FAM81B: variants seen among roughly 807,000 people sequenced by gnomAD.
The protein encoded by FAM81B is family with sequence similarity 81 member B.
In FAM81B, 60 loss-of-function variants were observed where a neutral mutation model predicts 58.7. The ratio of observed to expected loss-of-function variants is 1.02; its 90% CI spans 0.83 to 1.27. The LOEUF (loss-of-function observed/expected upper bound fraction) is 1.27. FAM81B is among the 50% of genes most tolerant of loss of function. The pLI is 0.00. For synonymous variants in FAM81B, 189 were observed against 179.6 expected, an observed-to-expected ratio of 1.05 and a Z score of -0.42; for missense variants, 491 against 522.0, an observed-to-expected ratio of 0.94 and a Z score of 0.58.
At chr5:95,445,023 A>AG (rs754192733) in intron 7 of FAM81B, among the ~76,000 whole-genome samples, 24 of 152,244 alleles carry the variant, frequency 1.6e-4, no homozygotes, top group African/African-American at 4.3e-4. Flanking sequence ...AGCAGGTGGG[A>AG]GGGGGGTAAC....
intron 7 of FAM81B, chr5:95,440,391 C>G: frequency 5.8e-6 from 4 of 693,678 alleles, no homozygotes; most frequent in South Asian, 5.4e-5. Context: ...GCTTCAGATT[C>G]AATGTCATGA....
intron 2 of FAM81B, among the ~76,000 whole-genome samples, chr5:95,395,892 C>A (rs913522575): frequency 1.3e-5 from 2 of 152,088 alleles, no homozygotes; most frequent in African/African-American, 4.8e-5. Context: ...GACTGTGATA[C>A]CAAATCTATG....
At chr5:95,433,908 T>C (rs2152768125) in intron 6 of FAM81B, among the ~76,000 whole-genome samples, 1 of 152,348 alleles carries the variant, frequency 6.6e-6, no homozygotes, top group South Asian at 2.1e-4. Context: ...ACTACTCTTT[T>C]TTCTTTCTTA....
intron 3 of FAM81B, among the ~76,000 whole-genome samples, chr5:95,407,408 A>ACGCACACACACACGCGTGCG (rs1762281078): frequency 6.8e-6 from 1 of 147,306 alleles, no homozygotes; most frequent in Non-Finnish European, 1.5e-5. Flanking sequence ...ACACACACAC[A>ACGCACACACACACGCGTGCG]CGCACACACA....
chr5:95,402,489 AT>A (rs1251250445), intron 3 of FAM81B, among the ~76,000 whole-genome samples: 2 of 152,238 alleles, frequency 1.3e-5, no homozygotes, highest in Non-Finnish European at 2.9e-5. Flanking sequence ...TAAACATAAA[AT>A]AAATTTTAAA....
intron 2 of FAM81B, among the ~76,000 whole-genome samples, chr5:95,394,454 G>A (rs745744439): frequency 1.6e-4 from 25 of 152,182 alleles, no homozygotes; most frequent in Non-Finnish European, 3.2e-4. Context: ...AGAGGGAGCA[G>A]TGGAAAGGTG....
chr5:95,447,406 G>A (rs1745620220), intron 8 of FAM81B, among the ~76,000 whole-genome samples: 1 of 152,226 alleles, frequency 6.6e-6, no homozygotes, highest in South Asian at 2.1e-4. Flanking sequence ...AGTTACAAAG[G>A]AGCCAAGAGT....
At chr5:95,434,718 T>C (rs1745033660) in intron 6 of FAM81B, among the ~76,000 whole-genome samples, 1 of 152,236 alleles carries the variant, frequency 6.6e-6, no homozygotes, top group Non-Finnish European at 1.5e-5. Context: ...AAATGAATGA[T>C]TCACTTACAT....
chr5:95,428,748 T>A lies in FAM81B; in HGVS notation c.786+16T>A, dbSNP rs759242751. 5 of 1,613,576 alleles carry A rather than the reference T, an allele frequency of 3.1e-6. No individual in the cohort carries two copies. In the East Asian group the frequency reaches 1.1e-4, roughly 36 times the overall value. On this transcript the variant is annotated intron_variant, in intron 6 of 9. Coordinates refer to ENST00000283357, the MANE Select transcript of FAM81B (RefSeq NM_152548.3). ...GGACATGAAGGTAATTGAAAATAGA[T>A]GGGACTCATATTACGTGTTACTGCC...
intron 2 of FAM81B, among the ~76,000 whole-genome samples, chr5:95,395,858 T>C (rs989118213): frequency 8.5e-5 from 13 of 152,234 alleles, no homozygotes; most frequent in African/African-American, 2.9e-4. Context: ...TCTATGGCTT[T>C]GACTTTTCCA....
At chr5:95,392,535 T>A (rs1296139753) in intron 1 of FAM81B, among the ~76,000 whole-genome samples, 13 of 152,280 alleles carry the variant, frequency 8.5e-5, no homozygotes, top group Non-Finnish European at 1.5e-4. Flanking sequence ...ATTTTAGAGC[T>A]GTCTGATCCT....
At chr5:95,433,299 A>G (rs756193354) in intron 6 of FAM81B, among the ~76,000 whole-genome samples, 1 of 152,110 alleles carries the variant, frequency 6.6e-6, no homozygotes, top group Non-Finnish European at 1.5e-5. Flanking sequence ...CAGGCAAGAG[A>G]AGTGCCAAGC....
intron 2 of FAM81B, among the ~76,000 whole-genome samples, chr5:95,395,557 A>G (rs1053850506): frequency 2.6e-5 from 4 of 152,208 alleles, no homozygotes; most frequent in Admixed American, 2.6e-4. Context: ...CTTTCATGAA[A>G]ATAGAACTTT....
In FAM81B at chr5:95,414,199, CTTTTTGTTTTATTTTG is replaced by C; in HGVS notation, c.537+20_537+35del. 7 of 1,595,232 alleles carry C rather than the reference CTTTTTGTTTTATTTTG, an allele frequency of 4.4e-6. No homozygotes were observed. Among genetic ancestry groups the C allele is most frequent in the Non-Finnish European group, 6.0e-6 (7 of 1,171,934 alleles). On this transcript the variant is annotated intron_variant, in intron 4 of 9. Coordinates refer to ENST00000283357, the MANE Select transcript of FAM81B (RefSeq NM_152548.3). ...TCAGCCAAAATATTGAGGTAGTTCT[CTTTTTGTTTTATTTTG>C]TTTTTGTTTTGTATTTTGGCAGCAT...
chr5:95,444,498 AGAAAATAATTGGCTAAAATGAGG>A (rs1332784937), intron 7 of FAM81B, among the ~76,000 whole-genome samples: 10 of 152,202 alleles, frequency 6.6e-5, no homozygotes, highest in Admixed American at 6.5e-4. Flanking sequence ...TTCCAGATAG[AGAAAATAATTGGCTAAAATGAGG>A]GAGTCTACGT....
At chr5:95,426,094 G>GTATATATATA (rs57076025) in intron 5 of FAM81B, among the ~76,000 whole-genome samples, 2,159 of 119,838 alleles carry the variant, frequency 0.018, 29 homozygotes, top group African/African-American at 0.032. Flanking sequence ...ATCTCTGTGT[G>GTATATATATA]TATATATATA....
intron 3 of FAM81B, among the ~76,000 whole-genome samples, chr5:95,399,232 T>G (rs1044330195): frequency 6.6e-6 from 1 of 152,200 alleles, no homozygotes; most frequent in Non-Finnish European, 1.5e-5. Flanking sequence ...ATGAGTAGAA[T>G]ATGGAATTCA....
At chr5:95,404,430 AGAATCTCTCT>A (rs1762193335) in intron 3 of FAM81B, among the ~76,000 whole-genome samples, 1 of 152,184 alleles carries the variant, frequency 6.6e-6, no homozygotes, top group African/African-American at 2.4e-5. Context: ...ATAGAAAAGA[AGAATCTCTCT>A]GAGTGTGCGA....
chr5:95,448,144 A>T, intron 8 of FAM81B, 125 bp from the exon 9 acceptor site: 1 of 855,458 alleles, frequency 1.2e-6, no homozygotes, highest in Non-Finnish European at 1.8e-6. Context: ...AGTTTTAGAT[A>T]CAAAGGAACT....
Sources: allele counts gnomAD v4.1 joint callset (sites outside exome capture counted in the v4.1 genomes callset), GRCh38; gene constraint gnomAD v4.1.1; transcripts MANE v1.5; gene names NCBI Gene and HGNC (gene_info 2026-07-23, HGNC 2026-07-21).